PLCXD2: variants seen among roughly 807,000 people sequenced by gnomAD.
PLCXD2 encodes the protein PI-PLC X domain-containing protein 2.
A neutral mutation model predicts 28.6 loss-of-function variants in PLCXD2; 21 were observed. That is an observed-to-expected ratio of 0.73 (90% CI 0.52 to 1.06). PLCXD2 has a LOEUF of 1.06. Ranked by LOEUF, PLCXD2 falls within the 50% of genes least tolerant of loss-of-function variation. The pLI is 0.00. For missense variants in PLCXD2, 369 were observed against 376.7 expected, an observed-to-expected ratio of 0.98 and a Z score of 0.17; for synonymous variants, 140 against 150.1, an observed-to-expected ratio of 0.93 and a Z score of 0.49.
intron 1 of PLCXD2, among the ~76,000 whole-genome samples, chr3:111,698,204 C>T (rs1940990371): frequency 6.6e-6 from 1 of 152,174 alleles, no homozygotes; most frequent in Non-Finnish European, 1.5e-5. Flanking sequence ...TAGCCAAGGA[C>T]TCTTCTGGGT....
At chr3:111,684,327 T>TAAAAA (rs1224720097) in intron 1 of PLCXD2, among the ~76,000 whole-genome samples, 1 of 106,798 alleles carries the variant, frequency 9.4e-6, no homozygotes, top group Admixed American at 1.0e-4. Context: ...AGACTCCATC[T>TAAAAA]AAAAAAAAAA....
chr3:111,687,598 TC>T (rs1940813033), intron 1 of PLCXD2, among the ~76,000 whole-genome samples: 1 of 152,216 alleles, frequency 6.6e-6, no homozygotes, highest in Non-Finnish European at 1.5e-5. Context: ...AAGATGTTTT[TC>T]TATGAAAGCC....
intron 1 of PLCXD2, among the ~76,000 whole-genome samples, chr3:111,688,021 G>A (rs1366762427): frequency 6.6e-6 from 1 of 152,036 alleles, no homozygotes; most frequent in African/African-American, 2.4e-5. Context: ...TCACACAGGA[G>A]GCACTATGAA....
In PLCXD2 at chr3:111,705,292, C is replaced by T. The variant is rs553458119; in HGVS notation, c.164-2634C>T. On this transcript the variant is annotated intron_variant, in intron 1 of 4. Coordinates refer to ENST00000477665, the MANE Select transcript of PLCXD2 (RefSeq NM_001185106.1). ...ATCTTTCTGTGCCTGACTTATTTTG[C>T]TGAACATAACGTCCCCAGGCTTATT... Among the ~76,000 whole-genome samples, 52 of 152,320 alleles carry T rather than the reference C, an allele frequency of 3.4e-4. No homozygotes were observed. The South Asian group carries it at 6.6e-3, about 19-fold the overall frequency.
At chr3:111,689,945 C>T (rs1940850625) in intron 1 of PLCXD2, among the ~76,000 whole-genome samples, 1 of 152,084 alleles carries the variant, frequency 6.6e-6, no homozygotes, top group Non-Finnish European at 1.5e-5. Flanking sequence ...ATAGCTTGCT[C>T]ATTTAATATT....
At chr3:111,693,450 T>C (rs1163398486) in intron 1 of PLCXD2, among the ~76,000 whole-genome samples, 1 of 152,228 alleles carries the variant, frequency 6.6e-6, no homozygotes, top group Non-Finnish European at 1.5e-5. Context: ...TTTGTGGTTG[T>C]ACATTTTTAG....
chr3:111,712,735 C>G (rs1365298195), intron 2 of PLCXD2, among the ~76,000 whole-genome samples: 2 of 152,124 alleles, frequency 1.3e-5, no homozygotes, highest in Non-Finnish European at 2.9e-5. Context: ...CCTCTGTGGC[C>G]AACTATCCGG....
At chr3:111,680,949 A>G (rs1185499468) in intron 1 of PLCXD2, among the ~76,000 whole-genome samples, 1 of 151,914 alleles carries the variant, frequency 6.6e-6, no homozygotes, top group East Asian at 1.9e-4. Context: ...GTTATTATGT[A>G]TCGTTTAAAA....
chr3:111,675,449 T>C (rs1940607441), intron 1 of PLCXD2, 41 bp downstream of exon 1: 1 of 1,609,294 alleles, frequency 6.2e-7, no homozygotes, highest in Admixed American at 1.7e-5. Context: ...TGTTTAATTC[T>C]GCCATTTTAG....
chr3:111,716,181 A>G (rs984135403), intron 3 of PLCXD2, among the ~76,000 whole-genome samples: 1 of 152,190 alleles, frequency 6.6e-6, no homozygotes, highest in South Asian at 2.1e-4. Context: ...CTGCACATCA[A>G]CTGAAGGAGG....
chr3:111,679,762 A>G (rs1178002580), intron 1 of PLCXD2, among the ~76,000 whole-genome samples: 1 of 152,358 alleles, frequency 6.6e-6, no homozygotes, highest in African/African-American at 2.4e-5. Context: ...GAAAATTTTG[A>G]GGCTGAAAAT....
chr3:111,726,630 A>C (rs1468578943), intron 3 of PLCXD2: 1 of 152,196 alleles, frequency 6.6e-6, no homozygotes, highest in Non-Finnish European at 1.5e-5. Flanking sequence ...TGATATTCTG[A>C]AATGTATTCT....
chr3:111,719,141 A>G (rs1010371645), intron 3 of PLCXD2, among the ~76,000 whole-genome samples: 4 of 152,250 alleles, frequency 2.6e-5, no homozygotes, highest in Admixed American at 1.3e-4. Flanking sequence ...GCTAAAAACC[A>G]TAAAGCTTTT....
rs186023961 is a variant in PLCXD2 at position 111,718,257 on chromosome 3, G to A, written c.866+4129G>A. ...AGGTGGGCGGATCACCAGGTCAGGA[G>A]ATCGAGACCATCCTGGCTAACACGG... On this transcript the variant is annotated intron_variant, in intron 3 of 4. Coordinates refer to ENST00000477665, the MANE Select transcript of PLCXD2 (RefSeq NM_001185106.1). Among the ~76,000 whole-genome samples the A allele has an allele frequency of 8.9e-4, 135 of 152,286 alleles. 1 individual carries two copies. Among genetic ancestry groups the A allele is most frequent in the African/African-American group, 3.2e-3 (132 of 41,556 alleles).
At chr3:111,698,909 T>C (rs1313568757) in intron 1 of PLCXD2, among the ~76,000 whole-genome samples, 1 of 152,240 alleles carries the variant, frequency 6.6e-6, no homozygotes, top group Non-Finnish European at 1.5e-5. Context: ...GTATCTGTAC[T>C]TTGTACATAG....
rs760146238 is a variant in PLCXD2, at chr3:111,675,302, C to A, written c.57C>A (p.Pro19=). The change falls in exon 1 of 5, where the codon CCC becomes CCA. Residue 19 remains proline (P), a synonymous_variant. Coordinates refer to ENST00000477665, the MANE Select transcript of PLCXD2 (RefSeq NM_001185106.1). ...TCAGGATGGGGACCATCTGCTCCCC[C>A]AACCCCAGCGGGACAAAGACATCAT... 2.5e-6 allele frequency: 4 copies of A among 1,614,038 alleles called. No homozygotes were observed. The highest frequency in any genetic ancestry group is 3.4e-6 in the Non-Finnish European group (4 of 1,180,018).
chr3:111,708,434 T>C (rs984751182), intron 2 of PLCXD2, 48 bp downstream of exon 2: 1 of 1,507,528 alleles, frequency 6.6e-7, no homozygotes, highest in African/African-American at 1.4e-5. Flanking sequence ...ATTTAACTCT[T>C]CCTGCTTTTC....
At chr3:111,682,898 G>A (rs1332959370) in intron 1 of PLCXD2, among the ~76,000 whole-genome samples, 1 of 152,124 alleles carries the variant, frequency 6.6e-6, no homozygotes, top group Non-Finnish European at 1.5e-5. Context: ...TACTCCTTTT[G>A]CTTCTTTTGG....
chr3:111,708,702 G>A (rs1396975008), intron 2 of PLCXD2, among the ~76,000 whole-genome samples: 2 of 152,072 alleles, frequency 1.3e-5, no homozygotes, highest in Non-Finnish European at 2.9e-5. Flanking sequence ...TGTTTCCCGA[G>A]GTCCATTTTT....
Sources: gnomAD v4.1 joint callset for allele counts (sites outside exome capture counted in the v4.1 genomes callset) on GRCh38, gnomAD v4.1.1 for gene constraint, MANE v1.5 for transcripts, NCBI Gene and HGNC (gene_info 2026-07-23, HGNC 2026-07-21) for gene names.